Variants in KCNJ12 observed in about 807,000 individuals in gnomAD.
The protein encoded by KCNJ12 is potassium inwardly rectifying channel subfamily J member 12.
A neutral mutation model predicts 22.3 loss-of-function variants in KCNJ12; 2 were observed. The ratio of observed to expected loss-of-function variants is 0.09; its 90% confidence interval spans 0.04 to 0.28. The LOEUF (loss-of-function observed/expected upper bound fraction) is 0.28. KCNJ12 is among the 10% of genes least tolerant of loss of function. The pLI is 1.00. For synonymous variants in KCNJ12, 117 were observed against 261.4 expected, an observed-to-expected ratio of 0.45 and a Z score of 5.33; for missense variants, 155 against 633.3, an observed-to-expected ratio of 0.24 and a Z score of 8.11.
At chr17:21,378,412 G>A (rs1416972950) in intron 1 of KCNJ12, among the ~76,000 whole-genome samples, 1 of 152,222 alleles carries the variant, frequency 6.6e-6, no homozygotes, top group Non-Finnish European at 1.5e-5. Context: ...AGCGAAGTCT[G>A]CCCCTCAGTT....
At position 21,417,112 on chromosome 17, in the gene KCNJ12, A is replaced by T. The variant is rs566166138; in HGVS notation, c.*468A>T. 10 of 170,434 alleles carry T rather than the reference A, an allele frequency of 5.9e-5. No homozygotes were observed. The highest frequency in any genetic ancestry group is 3.3e-3 in the Middle Eastern group (1 of 302). 10.6% of individuals were successfully genotyped at this position (170,434 alleles called of 1,614,324 possible). On this transcript the variant is annotated 3_prime_UTR_variant, in exon 3 of 3. Coordinates refer to ENST00000583088, the MANE Select transcript of KCNJ12 (RefSeq NM_021012.5). ...AAAAAATTACCATGCAATTGAAAAA[A>T]TTTTTTTTTAATTCACAGGGGGCAA...
rs377320706 is a variant in KCNJ12, at chr17:21,415,578, G to A, written c.236G>A (p.Arg79His). The A allele has an allele frequency of 3.6e-5, 58 of 1,613,586 alleles. No homozygotes were observed. The highest frequency in any genetic ancestry group is 2.9e-4 in the African/African-American group (22 of 75,032). Residue 79 changes from arginine (R) to histidine (H), a missense_variant, in exon 3 of 3, where the codon CGC becomes CAC. Physicochemically the swap from Arg to His is conservative, Grantham distance 29. Transcript: ENST00000583088. The part of the protein sequence containing the change: ...ADMFTTCVDI[R>H]WRYMLLIFSL... ...ATGTTCACCACCTGTGTGGACATCC[G>A]CTGGCGGTACATGCTGCTCATCTTC...
At chr17:21,415,226 A>T in intron 2 of KCNJ12, 61 bp from the exon 3 acceptor site, 5 of 1,488,562 alleles carry the variant, frequency 3.4e-6, no homozygotes, top group Non-Finnish European at 4.5e-6. Flanking sequence ...GGGCCCTGGG[A>T]TGGGGGTAGA....
At chr17:21,402,012 A>G (rs1386375515) in intron 1 of KCNJ12, among the ~76,000 whole-genome samples, 1 of 152,254 alleles carries the variant, frequency 6.6e-6, no homozygotes, top group Non-Finnish European at 1.5e-5. Flanking sequence ...TCTGAGCGCC[A>G]TCGACGAAGA....
chr17:21,413,202 A>C (rs1906476185), intron 2 of KCNJ12, among the ~76,000 whole-genome samples: 1 of 120,872 alleles, frequency 8.3e-6, no homozygotes, highest in Admixed American at 8.9e-5. Context: ...GGTCACACAG[A>C]CCGGGGCTGA....
chr17:21,396,897 G>C (rs1905385400), intron 1 of KCNJ12, among the ~76,000 whole-genome samples: 1 of 152,136 alleles, frequency 6.6e-6, no homozygotes, highest in Non-Finnish European at 1.5e-5. Flanking sequence ...AGGTGTTTGG[G>C]AGGCTCTGGC....
chr17:21,377,592 G>T (rs1421957222), intron 1 of KCNJ12, among the ~76,000 whole-genome samples: 2 of 152,096 alleles, frequency 1.3e-5, no homozygotes, highest in African/African-American at 4.8e-5. Flanking sequence ...CCCTGCGCGC[G>T]CACGGCCTCT....
intron 2 of KCNJ12, among the ~76,000 whole-genome samples, chr17:21,409,882 C>G (rs1481934719): frequency 6.6e-6 from 1 of 152,202 alleles, no homozygotes; most frequent in Non-Finnish European, 1.5e-5. Flanking sequence ...GGCATTGGAC[C>G]CAAATGTTTG....
At chr17:21,399,117 A>G (rs1905487084) in intron 1 of KCNJ12, among the ~76,000 whole-genome samples, 1 of 152,170 alleles carries the variant, frequency 6.6e-6, no homozygotes, top group Non-Finnish European at 1.5e-5. Flanking sequence ...TGGAGGTGGA[A>G]GCGGCTGCAT....
intron 1 of KCNJ12, among the ~76,000 whole-genome samples, chr17:21,406,910 C>T (rs1244905368): frequency 6.6e-6 from 1 of 152,294 alleles, no homozygotes; most frequent in African/African-American, 2.4e-5. Flanking sequence ...CCCTTCCCAC[C>T]AACCTCTTCT....
chr17:21,394,900 C>T (rs1024405451), intron 1 of KCNJ12, among the ~76,000 whole-genome samples: 2 of 152,322 alleles, frequency 1.3e-5, no homozygotes, highest in Admixed American at 6.5e-5. Flanking sequence ...AAACGGGTCC[C>T]TGGAAGTGCT....
intron 2 of KCNJ12, among the ~76,000 whole-genome samples, chr17:21,411,701 C>G (rs1171190086): frequency 2.6e-5 from 4 of 152,304 alleles, no homozygotes; most frequent in African/African-American, 9.6e-5. Context: ...AAGGCCTCTT[C>G]CAGCAAAACA....
chr17:21,383,304 T>C (rs549775158), intron 1 of KCNJ12, among the ~76,000 whole-genome samples: 2 of 152,168 alleles, frequency 1.3e-5, no homozygotes, highest in African/African-American at 2.4e-5. Context: ...GCTGGCGTTC[T>C]GTGTGGCAGC....
At position 21,391,208 on chromosome 17, in the gene KCNJ12, C is replaced by T. The variant is rs561445566; in HGVS notation, c.-179+14295C>T. On this transcript the variant is annotated intron_variant, in intron 1 of 2. Coordinates refer to ENST00000583088, the MANE Select transcript of KCNJ12 (RefSeq NM_021012.5). ...CACTCTGCCTGCCCGTTTGTCATGG[C>T]TGCTCAGCCTTTGGCACCTGTGAAC... Among the ~76,000 whole-genome samples, 1,030 of 152,372 alleles carry T rather than the reference C, an allele frequency of 6.8e-3. 5 individuals are homozygous for T. The highest frequency in any genetic ancestry group is 0.027 in the Middle Eastern group (8 of 294).
intron 1 of KCNJ12, among the ~76,000 whole-genome samples, chr17:21,406,753 C>T (rs1905965194): frequency 6.6e-6 from 1 of 152,308 alleles, no homozygotes; most frequent in Non-Finnish European, 1.5e-5. Context: ...GACTTACCAA[C>T]ATTTGCCTTA....
chr17:21,404,462 G>A (rs1905814270), intron 1 of KCNJ12, among the ~76,000 whole-genome samples: 2 of 152,258 alleles, frequency 1.3e-5, no homozygotes, highest in South Asian at 4.1e-4. Context: ...GTGAGGCAGG[G>A]TGCCCCATGA....
intron 1 of KCNJ12, among the ~76,000 whole-genome samples, chr17:21,397,895 C>T (rs1905425328): frequency 6.6e-6 from 1 of 152,176 alleles, no homozygotes; most frequent in African/African-American, 2.4e-5. Context: ...GAGACTTGCC[C>T]CCTCTCACCC....
chr17:21,408,783 A>G (rs1435300992), intron 2 of KCNJ12, 143 bp downstream of exon 2: 2 of 150,964 alleles, frequency 1.3e-5, no homozygotes, highest in African/African-American at 4.9e-5. Flanking sequence ...TCAGCCTTCC[A>G]TCCACCCACC....
Position 21,418,176 on chromosome 17 carries a change from G to A in KCNJ12, c.*1532G>A, listed in dbSNP as rs1316507486. 1 of 167,036 alleles carries A rather than the reference G, an allele frequency of 6.0e-6. No homozygotes were observed. The highest frequency in any genetic ancestry group is 1.5e-5 in the Non-Finnish European group (1 of 68,184). The allele number at this position is 167,036 out of a possible 1,614,324, so 10.3% of individuals were successfully genotyped here. A position where few individuals can be genotyped will look rare whatever the true frequency, so the allele number is the denominator to read the frequency against. On this transcript the variant is annotated 3_prime_UTR_variant, in exon 3 of 3. Transcript: ENST00000583088. ...GGCAGCTGGTTGGGTCAGGTCCATG[G>A]TAGAGCCAGGCCCTTCCCAGGGCTG...
Sources: allele counts gnomAD v4.1 joint callset (sites outside exome capture counted in the v4.1 genomes callset), GRCh38; gene constraint gnomAD v4.1.1; transcripts MANE v1.5; gene names NCBI Gene and HGNC (gene_info 2026-07-23, HGNC 2026-07-21).